CNTN4: variants seen among roughly 807,000 people sequenced by gnomAD.
The protein encoded by CNTN4 is contactin 4, also known as contactin-4.
In CNTN4, 77 loss-of-function variants were observed where a neutral mutation model predicts 122.5. That is an observed-to-expected ratio of 0.63 (90% CI 0.52 to 0.76). The LOEUF is 0.76. CNTN4 is among the 30% of genes least tolerant of loss of function. CNTN4 has a pLI of 0.00. For missense variants in CNTN4, 1,256 were observed against 1,259.1 expected, an observed-to-expected ratio of 1.00 and a Z score of 0.04; for synonymous variants, 512 against 447.0, an observed-to-expected ratio of 1.15 and a Z score of -1.83.
At position 3,026,124 on chromosome 3, in the gene CNTN4, C is replaced by G. The variant is rs779330993; in HGVS notation, c.1509C>G (p.Pro503=). 1 of 1,613,236 alleles carries G rather than the reference C, an allele frequency of 6.2e-7. No individual in the cohort carries two copies. The highest frequency in any genetic ancestry group is 1.7e-5 in the Admixed American group (1 of 59,934). ...VVKDPTRVMV[P]PSSMDVTVGE... ...CAGATCCAACAAGGGTAATGGTACC[C>G]CCTTCCAGTATGGATGTCACTGTTG... Residue 503 remains proline, a synonymous_variant, in exon 15 of 25, where the codon CCC becomes CCG. Coordinates refer to ENST00000418658, the MANE Select transcript of CNTN4 (RefSeq NM_175607.3).
At chr3:2,112,923 G>C (rs1559252882) in intron 2 of CNTN4, among the ~76,000 whole-genome samples, 1 of 152,044 alleles carries the variant, frequency 6.6e-6, no homozygotes, top group Non-Finnish European at 1.5e-5. Context: ...TCATGCCCTA[G>C]TATTCTCCCC....
At chr3:2,208,651 A>G (rs1575084900) in intron 2 of CNTN4, among the ~76,000 whole-genome samples, 1 of 152,156 alleles carries the variant, frequency 6.6e-6, no homozygotes, top group African/African-American at 2.4e-5. Context: ...ACAGCACCAC[A>G]TGCTACAGAG....
chr3:2,290,194 CAG>C (rs1312579819), intron 2 of CNTN4, among the ~76,000 whole-genome samples: 1 of 152,164 alleles, frequency 6.6e-6, no homozygotes, highest in East Asian at 1.9e-4. Context: ...ATCCCAGAAA[CAG>C]GGGCAATGAA....
At chr3:2,332,100 T>G (rs1245893038) in intron 2 of CNTN4, among the ~76,000 whole-genome samples, 1 of 152,108 alleles carries the variant, frequency 6.6e-6, no homozygotes, top group African/African-American at 2.4e-5. Flanking sequence ...CGTGACAGGC[T>G]CTTTGTTGTA....
chr3:2,862,518 G>T (rs568413069), intron 7 of CNTN4, among the ~76,000 whole-genome samples: 13 of 152,250 alleles, frequency 8.5e-5, no homozygotes, highest in Non-Finnish European at 1.6e-4. Flanking sequence ...GTATTTTTCA[G>T]TTGAGCCCCA....
At chr3:2,283,636 C>T (rs1014261991) in intron 2 of CNTN4, among the ~76,000 whole-genome samples, 6 of 152,028 alleles carry the variant, frequency 3.9e-5, no homozygotes, top group Admixed American at 2.6e-4. Flanking sequence ...TAGGAGTTCT[C>T]CATAGTGTGG....
intron 3 of CNTN4, among the ~76,000 whole-genome samples, chr3:2,518,522 C>G (rs2077105421): frequency 1.3e-5 from 2 of 152,182 alleles, no homozygotes; most frequent in South Asian, 4.1e-4. Flanking sequence ...TCTAATATAT[C>G]TGTTTTGGTG....
At chr3:2,727,613 C>T (rs183225148) in intron 4 of CNTN4, among the ~76,000 whole-genome samples, 174 of 152,312 alleles carry the variant, frequency 1.1e-3, no homozygotes, top group African/African-American at 4.1e-3. Context: ...AATTTTTCCC[C>T]AAGGAGAGAC....
At chr3:2,271,531 A>G (rs1011511354) in intron 2 of CNTN4, among the ~76,000 whole-genome samples, 4 of 152,192 alleles carry the variant, frequency 2.6e-5, no homozygotes, top group Admixed American at 2.0e-4. Flanking sequence ...GGTTTATTAT[A>G]AAAAATGAAA....
At chr3:2,498,684 G>A (rs966814212) in intron 3 of CNTN4, among the ~76,000 whole-genome samples, 1 of 151,936 alleles carries the variant, frequency 6.6e-6, no homozygotes, top group Non-Finnish European at 1.5e-5. Flanking sequence ...GTCTTACCAT[G>A]TTTCTCAGGC....
At chr3:2,360,528 G>A (rs1444871467) in intron 3 of CNTN4, among the ~76,000 whole-genome samples, 1 of 152,112 alleles carries the variant, frequency 6.6e-6, no homozygotes, top group African/African-American at 2.4e-5. Context: ...TTTTCATGCT[G>A]CTATAAAGAA....
At chr3:2,567,981 T>G (rs1260913201) in intron 3 of CNTN4, among the ~76,000 whole-genome samples, 1 of 152,114 alleles carries the variant, frequency 6.6e-6, no homozygotes, top group East Asian at 1.9e-4. Context: ...TCCTGCTAAG[T>G]AAACTGTGAG....
chr3:2,423,774 C>G (rs1481974839), intron 3 of CNTN4, among the ~76,000 whole-genome samples: 1 of 151,922 alleles, frequency 6.6e-6, no homozygotes, highest in African/African-American at 2.4e-5. Context: ...TACAAAACCT[C>G]CTACTGGGTA....
At chr3:2,209,365 G>A (rs2149430646) in intron 2 of CNTN4, among the ~76,000 whole-genome samples, 1 of 152,208 alleles carries the variant, frequency 6.6e-6, no homozygotes, top group South Asian at 2.1e-4. Context: ...AAGGAGCTTG[G>A]GAAATATAAT....
At position 2,537,731 on chromosome 3, in the gene CNTN4, T is replaced by TA. The variant is rs536190915; in HGVS notation, c.-88-33679dup. Among the ~76,000 whole-genome samples the TA allele has an allele frequency of 4.6e-5, 7 of 152,186 alleles. No homozygotes were observed. The South Asian group carries it at 1.0e-3, about 23-fold the overall frequency. The stretch of plus-strand genomic sequence containing the variant: ...CATGAGACTTTTTAGAAAGATGAAC[T>TA]AAAAAATCGCTATTCATGCATCCAT... On this transcript the variant is annotated intron_variant, in intron 3 of 24. Transcript: ENST00000418658.
At chr3:3,041,337 T>C (rs1021886528) in intron 20 of CNTN4, among the ~76,000 whole-genome samples, 1 of 152,242 alleles carries the variant, frequency 6.6e-6, no homozygotes, top group African/African-American at 2.4e-5. Flanking sequence ...GATTTACAAT[T>C]ATTCAAACAA....
rs1187266464 is a variant in CNTN4, at chr3:3,040,278, T to C, written c.2398+7T>C. ...GTGTATTCTGCAGAAGAAGGTATCG[T>C]TTATGCTGCCTAGATCATTGACTGT... is the stretch of plus-strand genomic sequence containing the variant. On this transcript the variant is annotated splice_region_variant and intron_variant, in intron 20 of 24. Transcript: ENST00000418658. The C allele has an allele frequency of 1.9e-6, 3 of 1,570,122 alleles. No individual in the cohort carries two copies. The African/African-American group carries it at 4.1e-5, about 21-fold the overall frequency.
chr3:2,108,224 C>T (rs925650832), intron 2 of CNTN4, among the ~76,000 whole-genome samples: 1 of 144,240 alleles, frequency 6.9e-6, no homozygotes, highest in African/African-American at 2.6e-5. Flanking sequence ...CCTCCTCTTA[C>T]TGTCCTTGTC....
intron 3 of CNTN4, among the ~76,000 whole-genome samples, chr3:2,392,353 T>A (rs1329695108): frequency 6.6e-6 from 1 of 152,168 alleles, no homozygotes; most frequent in Non-Finnish European, 1.5e-5. Context: ...TCCTTTGCAA[T>A]CTCTGTTCTC....
Sources: allele counts gnomAD v4.1 joint callset (sites outside exome capture counted in the v4.1 genomes callset), GRCh38; gene constraint gnomAD v4.1.1; transcripts MANE v1.5; gene names NCBI Gene and HGNC (gene_info 2026-07-23, HGNC 2026-07-21).